The following FCHO1 variants were observed in gnomAD, a reference collection of about 807,000 sequenced individuals.
FCHO1 encodes FCH and mu domain containing endocytic adaptor 1, also known as F-BAR domain only protein 1.
In FCHO1, 45 loss-of-function variants were observed where a neutral mutation model predicts 114.4. The ratio of observed to expected loss-of-function variants is 0.39; its 90% CI spans 0.31 to 0.50. The LOEUF (loss-of-function observed/expected upper bound fraction) is 0.50. FCHO1 is among the 20% of genes least tolerant of loss of function. The pLI is 0.77. For synonymous variants in FCHO1, 480 were observed against 488.9 expected (o/e 0.98, Z 0.24); for missense variants, 1,042 against 1,209.6 (o/e 0.86, Z 2.06).
In FCHO1 at chr19:17,770,447, C is replaced by T; in HGVS notation, c.359C>T (p.Thr120Ile). ...CAGTGCAAGGAGGAAGTGGTGAGCA[C>T]CTTGGATGCTGTGCAGGTACTCTCG... Reference protein sequence around the residue: ...HKKCKEEVVSTLDAVQVLSGV... With the variant: ...HKKCKEEVVSILDAVQVLSGV... Residue 120 changes from threonine to isoleucine, a missense_variant, in exon 8 of 29, where the codon ACC becomes ATC. This residue lies in a region of FCHO1 where 450 missense variants were observed against 564.1 expected (regional missense o/e 0.80). Transcript: ENST00000596536. The T allele has an allele frequency of 6.2e-7, 1 of 1,613,352 alleles. No homozygotes were observed. The highest frequency in any genetic ancestry group is 8.5e-7 in the Non-Finnish European group (1 of 1,179,720).
chr19:17,776,525 C>G lies in FCHO1; in HGVS notation c.1208-110C>G. Reference sequence around the variant, plus strand: ...ATCCATGTCTGCCTGATTTGCTGATCACCTTGGGCAACTGGCTGGACACCC... The same window carrying G: ...ATCCATGTCTGCCTGATTTGCTGATGACCTTGGGCAACTGGCTGGACACCC... On this transcript the variant is annotated intron_variant, in intron 17 of 28. Transcript: ENST00000596536. The surrounding 1 kb of genome is among the most constrained non-coding windows in gnomAD (Gnocchi z 4.4). 7.9e-7 allele frequency: 1 copy of G among 1,267,442 alleles called. No individual in the cohort carries two copies. The highest frequency in any genetic ancestry group is 1.1e-6 in the Non-Finnish European group (1 of 871,660). The allele number at this position is 1,267,442 out of a possible 1,614,324, so 78.5% of individuals were successfully genotyped here. A position where few individuals can be genotyped will look rare whatever the true frequency, so the allele number is the denominator to read the frequency against.
rs1180732180 is a variant in FCHO1 at position 17,783,306 on chromosome 19, G to A, written c.2093+134G>A. ...TGTAGAGACGGAGTCTTGCTCTGTC[G>A]CCCAGGCTGGAGTGCAATGGCGTCA... On this transcript the variant is annotated intron_variant, in intron 24 of 28. Coordinates refer to ENST00000596536, the MANE Select transcript of FCHO1 (RefSeq NM_015122.3). The A allele has an allele frequency of 3.3e-5, 32 of 983,182 alleles. 1 individual carries two copies. The highest frequency in any genetic ancestry group is 3.3e-4 in the Middle Eastern group (1 of 3,042). 60.9% of individuals were successfully genotyped at this position (983,182 alleles called of 1,614,324 possible). A position where few individuals can be genotyped will look rare whatever the true frequency, so the allele number is the denominator to read the frequency against.
chr19:17,776,346 C>T lies in FCHO1; in HGVS notation c.1207+75C>T. The T allele has an allele frequency of 6.3e-7, 1 of 1,585,364 alleles. No individual in the cohort carries two copies. Among genetic ancestry groups the T allele is most frequent in the Non-Finnish European group, 8.7e-7 (1 of 1,153,970 alleles). Reference sequence around the variant, plus strand: ...CTATGGGTTTGGGCTTGAATCATAACTCCGTTTTGTAACTTTGGGCAGGCT... The same window carrying T: ...CTATGGGTTTGGGCTTGAATCATAATTCCGTTTTGTAACTTTGGGCAGGCT... On this transcript the variant is annotated intron_variant, in intron 17 of 28. Transcript: ENST00000596536. The surrounding 1 kb of genome is among the most constrained non-coding windows in gnomAD (Gnocchi z 4.4).
At chr19:17,762,605 TATGGCCCAGGGGAA>T in intron 4 of FCHO1, 143 bp from the exon 5 acceptor site, 2 of 700,386 alleles carry the variant, frequency 2.9e-6, no homozygotes, top group Non-Finnish European at 5.2e-6. Context: ...AGACAATCCC[TATGGCCCAGGGGAA>T]ATGCAGCAAG....
At chr19:17,761,374 T>C (rs1469803512) in intron 4 of FCHO1, among the ~76,000 whole-genome samples, 1 of 147,148 alleles carries the variant, frequency 6.8e-6, no homozygotes, top group East Asian at 2.0e-4. Context: ...TCAGGGTTGG[T>C]TTGATCCAGC....
intron 27 of FCHO1, 100 bp downstream of exon 27, chr19:17,786,729 G>A (rs1331085812): frequency 3.2e-6 from 4 of 1,248,358 alleles, no homozygotes; most frequent in Non-Finnish European, 4.5e-6. Context: ...ACTGAGGGCG[G>A]GCAAGTATGG....
At chr19:17,748,493 C>G (rs1312896661), upstream of FCHO1, among the ~76,000 whole-genome samples, 1 of 140,378 alleles carries the variant, frequency 7.1e-6, no homozygotes, top group East Asian at 1.9e-4. Context: ...CTTGAAGGGC[C>G]TGGAGCCTGG....
chr19:17,764,841 G>C (rs751938840), intron 6 of FCHO1, among the ~76,000 whole-genome samples: 26 of 152,024 alleles, frequency 1.7e-4, no homozygotes, highest in African/African-American at 6.0e-4. Context: ...TGAAGTGGGC[G>C]GATCACCGGA....
chr19:17,781,172 G>A (rs2147302274), intron 20 of FCHO1, 59 bp from the exon 21 acceptor site: 3 of 1,270,830 alleles, frequency 2.4e-6, no homozygotes, highest in Non-Finnish European at 3.3e-6. Flanking sequence ...TGTGCCCCTG[G>A]GGAGGCCCCA....
intron 24 of FCHO1, 50 bp downstream of exon 24, chr19:17,783,222 G>C: frequency 1.3e-6 from 2 of 1,573,946 alleles, no homozygotes; most frequent in Non-Finnish European, 1.7e-6. Flanking sequence ...CTGGGGATCA[G>C]GCTTCCGGAC....
intron 1 of FCHO1, chr19:17,753,545 A>G (rs4808684): frequency 0.85 from 129,605 of 152,224 alleles, 55,816 homozygotes; most frequent in Middle Eastern, 0.93. Context: ...GCCAGGCCCG[A>G]GGCTGAATCA....
intron 27 of FCHO1, among the ~76,000 whole-genome samples, chr19:17,787,223 CAAAAAAAAAAAAA>C (rs61302593): frequency 7.5e-5 from 3 of 39,822 alleles, no homozygotes; most frequent in South Asian, 4.2e-3. Flanking sequence ...GACTCTGTCT[CAAAAAAAAAAAAA>C]AAAAAAAAAA....
At position 17,770,964 on chromosome 19, in the gene FCHO1, A is replaced by G. The variant is rs1419462040; in HGVS notation, c.594+68A>G. 2.1e-6 allele frequency: 3 copies of G among 1,395,478 alleles called. No homozygotes were observed. The Admixed American group carries it at 5.3e-5, about 25-fold the overall frequency. The allele number at this position is 1,395,478 out of a possible 1,614,324, so 86.4% of individuals were successfully genotyped here. On this transcript the variant is annotated intron_variant, in intron 9 of 28. Transcript: ENST00000596536. ...TTGCCCTGGAGGTTATGGACTGCAG[A>G]AATCCCAGGCAGGGTGTGGTGGCTC...
intron 7 of FCHO1, among the ~76,000 whole-genome samples, chr19:17,767,208 G>A (rs924714660): frequency 4.0e-5 from 6 of 151,768 alleles, no homozygotes; most frequent in Admixed American, 3.9e-4. Flanking sequence ...AGCCCCCACA[G>A]AATAGCTGGG....
intron 5 of FCHO1, among the ~76,000 whole-genome samples, chr19:17,763,568 TTTTTTTTTTTC>T (rs1418055168): frequency 6.9e-6 from 1 of 145,022 alleles, no homozygotes; most frequent in African/African-American, 2.5e-5. Flanking sequence ...TCTGCCTTTT[TTTTTTTTTTTC>T]TTTTTGGAGA....
At chr19:17,756,554 G>A (rs767531765) in intron 4 of FCHO1, among the ~76,000 whole-genome samples, 2 of 152,206 alleles carry the variant, frequency 1.3e-5, no homozygotes, top group Non-Finnish European at 2.9e-5. Context: ...TTCAGGATTC[G>A]AATTGACTCT....
rs2092478568 is a variant in FCHO1 at position 17,775,400 on chromosome 19, G to A, written c.946-56G>A. Reference sequence around the variant, plus strand: ...GGGCGGGGGGCGGTTGGCAGGGTGAGATGGAAGGTTCGATAGTGGGGCGCC... The same window carrying A: ...GGGCGGGGGGCGGTTGGCAGGGTGAAATGGAAGGTTCGATAGTGGGGCGCC... On this transcript the variant is annotated intron_variant, in intron 14 of 28. Transcript: ENST00000596536. The surrounding 1 kb of genome is among the most constrained non-coding windows in gnomAD (Gnocchi z 5.1). 3 of 1,556,978 alleles carry A rather than the reference G, an allele frequency of 1.9e-6. No individual in the cohort carries two copies. Among genetic ancestry groups the A allele is most frequent in the Non-Finnish European group, 2.7e-6 (3 of 1,128,712 alleles).
chr19:17,767,116 T>C (rs1182020796), intron 7 of FCHO1, among the ~76,000 whole-genome samples: 1 of 145,084 alleles, frequency 6.9e-6, no homozygotes, highest in South Asian at 2.3e-4. Flanking sequence ...AGACAGGGTC[T>C]CACTCTGTCA....
At chr19:17,785,334 C>A (rs781618562) in intron 26 of FCHO1, among the ~76,000 whole-genome samples, 56 of 152,262 alleles carry the variant, frequency 3.7e-4, no homozygotes, top group Non-Finnish European at 6.6e-4. Context: ...ATTTTCTCTG[C>A]CTCAGCCTCC....
Sources: allele counts gnomAD v4.1 joint callset (sites outside exome capture counted in the v4.1 genomes callset), GRCh38; gene constraint gnomAD v4.1.1; regional missense constraint gnomAD v4.1.1; non-coding constraint Gnocchi (gnomAD v3.1); transcripts MANE v1.5; gene names NCBI Gene and HGNC (gene_info 2026-07-23, HGNC 2026-07-21).